The following CERS6 variants were observed in gnomAD, a reference collection of about 807,000 sequenced individuals.
CERS6 encodes the protein LAG1 homolog, ceramide synthase 6.
Under a neutral mutation model 56.8 loss-of-function variants are expected in CERS6, and 26 were observed. That is an observed-to-expected ratio of 0.46 (90% confidence interval 0.34 to 0.63). The LOEUF (loss-of-function observed/expected upper bound fraction) is 0.63, where lower values mean the gene tolerates loss of function less well. Among genes scored for constraint, CERS6 ranks in the 30% least tolerant of loss-of-function variants. The pLI, the probability that CERS6 is intolerant of heterozygous loss-of-function variation, is 0.01. For synonymous variants in CERS6, 164 were observed against 173.3 expected (o/e 0.95, Z 0.42); for missense variants, 415 against 467.5 (o/e 0.89, Z 1.04).
At chr2:168,575,990 G>A (rs1408848406) in intron 3 of CERS6, among the ~76,000 whole-genome samples, 2 of 152,160 alleles carry the variant, frequency 1.3e-5, no homozygotes, top group South Asian at 4.1e-4. Context: ...TTGCCTTAGA[G>A]AGGAGCACAG....
At chr2:168,517,644 C>A (rs1694907925) in intron 1 of CERS6, among the ~76,000 whole-genome samples, 1 of 151,926 alleles carries the variant, frequency 6.6e-6, no homozygotes, top group Non-Finnish European at 1.5e-5. Flanking sequence ...TTGGTTTTGG[C>A]TAGTGGGGCA....
intron 4 of CERS6, among the ~76,000 whole-genome samples, chr2:168,662,950 T>A (rs1236235393): frequency 6.6e-6 from 1 of 152,228 alleles, no homozygotes; most frequent in Non-Finnish European, 1.5e-5. Flanking sequence ...AAAACAAGGC[T>A]GAAGATTTTT....
chr2:168,470,888 A>G (rs571766217), intron 1 of CERS6, among the ~76,000 whole-genome samples: 1 of 152,316 alleles, frequency 6.6e-6, no homozygotes, highest in African/African-American at 2.4e-5. Context: ...CCTGAAATAA[A>G]CATGCCAGTA....
At chr2:168,481,818 A>G (rs1694183037) in intron 1 of CERS6, among the ~76,000 whole-genome samples, 1 of 152,246 alleles carries the variant, frequency 6.6e-6, no homozygotes, top group Admixed American at 6.5e-5. Context: ...AAATATGAAC[A>G]TCTATTATCC....
At chr2:168,697,881 C>G (rs1645646065) in intron 6 of CERS6, among the ~76,000 whole-genome samples, 1 of 152,170 alleles carries the variant, frequency 6.6e-6, no homozygotes, top group African/African-American at 2.4e-5. Flanking sequence ...CCAAAAGTTA[C>G]CAAGTCCCTG....
intron 3 of CERS6, among the ~76,000 whole-genome samples, chr2:168,583,265 G>A (rs374839901): frequency 6.6e-6 from 1 of 152,100 alleles, no homozygotes; most frequent in East Asian, 1.9e-4. Context: ...TAAGTAGTGT[G>A]TGTTGATTGA....
chr2:168,683,975 T>A (rs904212972), intron 4 of CERS6, among the ~76,000 whole-genome samples: 2 of 152,202 alleles, frequency 1.3e-5, no homozygotes, highest in African/African-American at 2.4e-5. Flanking sequence ...CTTGTTTCTA[T>A]GATAGAACCC....
chr2:168,551,444 T>C (rs970089906), intron 2 of CERS6, among the ~76,000 whole-genome samples: 4 of 152,230 alleles, frequency 2.6e-5, no homozygotes, highest in African/African-American at 9.6e-5. Context: ...CCCGTCATTG[T>C]GGCCTTGGGT....
rs532531796 is a variant in CERS6, at chr2:168,475,691, T to C, written c.170+19073T>C. Among the ~76,000 whole-genome samples the C allele has an allele frequency of 2.0e-5, 3 of 152,354 alleles. 1 individual carries two copies. The highest frequency in any genetic ancestry group is 4.8e-5 in the African/African-American group (2 of 41,586). On this transcript the variant is annotated intron_variant, in intron 1 of 9. Transcript: ENST00000305747. ...GGGAAACCGTTAAGTTTACTAGAAG[T>C]AGCTAGTTTCTTAATAATATTTCTT...
chr2:168,493,329 G>C (rs1310197216), intron 1 of CERS6, among the ~76,000 whole-genome samples: 1 of 152,110 alleles, frequency 6.6e-6, no homozygotes, highest in African/African-American at 2.4e-5. Flanking sequence ...TTGGAATGAA[G>C]TCATGAGATG....
chr2:168,676,628 A>G (rs913554900), intron 4 of CERS6, among the ~76,000 whole-genome samples: 1 of 152,236 alleles, frequency 6.6e-6, no homozygotes, highest in Admixed American at 6.5e-5. Context: ...AATGTCTACA[A>G]GTACTTAATT....
intron 4 of CERS6, among the ~76,000 whole-genome samples, chr2:168,632,537 C>T (rs753744714): frequency 2.0e-5 from 3 of 152,018 alleles, no homozygotes; most frequent in Non-Finnish European, 4.4e-5. Context: ...CCATTTGAAT[C>T]GATTTAGAAG....
chr2:168,739,627 TTGTTATTTTATGC>T (rs1223729343), intron 8 of CERS6, among the ~76,000 whole-genome samples: 1 of 152,328 alleles, frequency 6.6e-6, no homozygotes, highest in African/African-American at 2.4e-5. Flanking sequence ...TTATTTACTC[TTGTTATTTTATGC>T]TGTTATTTTA....
intron 8 of CERS6, among the ~76,000 whole-genome samples, chr2:168,745,265 G>A (rs576430242): frequency 1.6e-3 from 240 of 147,106 alleles, no homozygotes; most frequent in Non-Finnish European, 1.9e-3. Flanking sequence ...TTTTTTAGAC[G>A]GAGTCTTGCT....
At position 168,612,351 on chromosome 2, in the gene CERS6, A is replaced by G. The variant is rs73969280; in HGVS notation, c.408-18634A>G. On this transcript the variant is annotated intron_variant, in intron 3 of 9. Coordinates refer to ENST00000305747, the MANE Select transcript of CERS6 (RefSeq NM_203463.3). The stretch of plus-strand genomic sequence containing the variant: ...ATTGTTGGTCACTTAAAGGATGACT[A>G]ATAACATATGTTGTCTTAATGTTAG... Among the ~76,000 whole-genome samples the G allele has an allele frequency of 6.8e-3, 1,040 of 152,342 alleles. 11 individuals are homozygous for G. Among genetic ancestry groups the G allele is most frequent in the African/African-American group, 0.024 (986 of 41,572 alleles).
intron 8 of CERS6, among the ~76,000 whole-genome samples, chr2:168,759,168 T>G (rs763296526): frequency 7.2e-5 from 11 of 152,200 alleles, no homozygotes; most frequent in Non-Finnish European, 1.3e-4. Context: ...GCATCAGCAG[T>G]GAAATGCATG....
chr2:168,692,106 G>A (rs532220068), intron 5 of CERS6, among the ~76,000 whole-genome samples: 38 of 152,234 alleles, frequency 2.5e-4, no homozygotes, highest in African/African-American at 8.9e-4. Context: ...CATCTCTTAC[G>A]AGTGGTTTTT....
chr2:168,631,665 TTTTATATTTATA>T (rs57817190), intron 4 of CERS6, among the ~76,000 whole-genome samples: 2 of 100,224 alleles, frequency 2.0e-5, no homozygotes, highest in Non-Finnish European at 3.6e-5. Flanking sequence ...ATATATAACA[TTTTATATTTATA>T]TTTATATTTA....
intron 3 of CERS6, among the ~76,000 whole-genome samples, chr2:168,573,435 A>T (rs1433918736): frequency 6.6e-6 from 1 of 152,280 alleles, no homozygotes; most frequent in East Asian, 1.9e-4. Flanking sequence ...TGGGGGACAG[A>T]GTTACTATTG....
Sources: gnomAD v4.1 joint callset for allele counts (sites outside exome capture counted in the v4.1 genomes callset) on GRCh38, gnomAD v4.1.1 for gene constraint, MANE v1.5 for transcripts, NCBI Gene and HGNC (gene_info 2026-07-23, HGNC 2026-07-21) for gene names.